The following DLC1 variants were observed in gnomAD, a reference collection of about 807,000 sequenced individuals.
DLC1 encodes DLC1 Rho GTPase activating protein.
A neutral mutation model predicts 140.3 loss-of-function variants in DLC1; 54 were observed. The ratio of observed to expected loss-of-function variants is 0.38; its 90% CI spans 0.31 to 0.48. The LOEUF (loss-of-function observed/expected upper bound fraction) is 0.48, where lower values mean the gene tolerates loss of function less well. Among genes scored for constraint, DLC1 ranks in the 20% least tolerant of loss-of-function variants. DLC1 has a pLI of 0.96. For synonymous variants in DLC1, 986 were observed against 728.1 expected (o/e 1.35, Z -5.70); for missense variants, 2,536 against 1,907.0 (o/e 1.33, Z -6.14).
chr8:13,512,326 C>G (rs116167714), intron 1 of DLC1, among the ~76,000 whole-genome samples: 7 of 152,194 alleles, frequency 4.6e-5, no homozygotes, highest in African/African-American at 1.4e-4. Context: ...AGGGTCTTGT[C>G]TGAGAAGGTA....
intron 4 of DLC1, among the ~76,000 whole-genome samples, chr8:13,331,841 C>G (rs1454948): frequency 3.2e-4 from 48 of 152,224 alleles, no homozygotes; most frequent in African/African-American, 9.4e-4. Context: ...GATATTGGCA[C>G]TGAGTCAGTC....
chr8:13,382,314 T>G (rs1425145192), intron 4 of DLC1, among the ~76,000 whole-genome samples: 1 of 151,486 alleles, frequency 6.6e-6, no homozygotes, highest in Non-Finnish European at 1.5e-5. Flanking sequence ...GAGACCATCC[T>G]GGCTAACACG....
chr8:13,141,819 C>T (rs1823013547), intron 5 of DLC1, among the ~76,000 whole-genome samples: 1 of 152,134 alleles, frequency 6.6e-6, no homozygotes, highest in Admixed American at 6.6e-5. Flanking sequence ...CTTATTGATT[C>T]AGTTGAATTA....
intron 2 of DLC1, among the ~76,000 whole-genome samples, chr8:13,403,964 C>G (rs1417594279): frequency 6.6e-5 from 10 of 151,944 alleles, no homozygotes; most frequent in Admixed American, 1.3e-4. Flanking sequence ...GTGAATCAAA[C>G]ATTTTTGAAA....
rs1337018352 is a variant in DLC1 at position 13,083,707 on chromosome 8, A to G, written c.*2104T>C. On this transcript the variant is annotated 3_prime_UTR_variant, in exon 18 of 18. Coordinates refer to ENST00000276297, the MANE Select transcript of DLC1 (RefSeq NM_182643.3). The stretch of plus-strand genomic sequence containing the variant: ...TTTCCTAACTGGACCTTTGTTGGAG[A>G]GAATCTCCGTGCTTCCTGAACCTTC... The G allele has an allele frequency of 6.6e-6, 1 of 152,588 alleles. No individual in the cohort carries two copies. The highest frequency in any genetic ancestry group is 1.5e-5 in the Non-Finnish European group (1 of 68,048). 9.5% of individuals were successfully genotyped at this position (152,588 alleles called of 1,614,324 possible).
chr8:13,166,324 T>G (rs1339491791), intron 5 of DLC1, among the ~76,000 whole-genome samples: 3 of 152,132 alleles, frequency 2.0e-5, no homozygotes, highest in African/African-American at 7.2e-5. Context: ...CGTGTTTGAT[T>G]TATTTTTCTT....
intron 2 of DLC1, among the ~76,000 whole-genome samples, chr8:13,441,781 T>G (rs1463662545): frequency 3.9e-5 from 6 of 152,134 alleles, no homozygotes; most frequent in Non-Finnish European, 7.4e-5. Context: ...ATGGCCATAC[T>G]GCCCAAGGTA....
At chr8:13,434,362 A>G (rs1172241667) in intron 2 of DLC1, among the ~76,000 whole-genome samples, 4 of 152,234 alleles carry the variant, frequency 2.6e-5, no homozygotes, top group Non-Finnish European at 5.9e-5. Flanking sequence ...AAACATATGC[A>G]GTATGAAGAA....
chr8:13,329,656 C>T (rs1833506142), intron 4 of DLC1, among the ~76,000 whole-genome samples: 1 of 152,178 alleles, frequency 6.6e-6, no homozygotes, highest in African/African-American at 2.4e-5. Flanking sequence ...GAAATATTTT[C>T]ACCACTAATG....
At chr8:13,582,727 G>C (rs755324569) in intron 1 of DLC1, among the ~76,000 whole-genome samples, 2 of 150,894 alleles carry the variant, frequency 1.3e-5, no homozygotes, top group African/African-American at 4.9e-5. Flanking sequence ...TCCCTCTAGA[G>C]AACCCTGACT....
At chr8:13,484,020 C>T (rs1180592330) in intron 2 of DLC1, among the ~76,000 whole-genome samples, 1 of 152,050 alleles carries the variant, frequency 6.6e-6, no homozygotes, top group African/African-American at 2.4e-5. Context: ...GCAGAGGTTG[C>T]AGTGAACCCA....
intron 4 of DLC1, among the ~76,000 whole-genome samples, chr8:13,321,349 T>G (rs998238827): frequency 6.6e-6 from 1 of 151,524 alleles, no homozygotes; most frequent in African/African-American, 2.4e-5. Context: ...ACCATCCTGG[T>G]CAACATGGTG....
chr8:13,451,037 C>CAAAAAAAAAAAAAAAAAAAAA lies in DLC1; in HGVS notation c.1023+47991_1023+48011dup, dbSNP rs1169620786. Among the ~76,000 whole-genome samples the CAAAAAAAAAAAAAAAAAAAAA allele has an allele frequency of 1.5e-3, 28 of 18,366 alleles. 5 individuals carry two copies. Among genetic ancestry groups the CAAAAAAAAAAAAAAAAAAAAA allele is most frequent in the Non-Finnish European group, 1.5e-3 (11 of 7,212 alleles). 12.0% of individuals were successfully genotyped at this position (18,366 alleles called of 152,430 possible). A position where few individuals can be genotyped will look rare whatever the true frequency, so the allele number is the denominator to read the frequency against. On this transcript the variant is annotated intron_variant, in intron 2 of 17. Transcript: ENST00000276297. ...CTGGTGATAGAGTGAGACTCCGTCTCAAAAAAAAAAAAAAAAAAAAAAAAA... is the reference window on the plus strand; with the variant it reads ...CTGGTGATAGAGTGAGACTCCGTCTCAAAAAAAAAAAAAAAAAAAAAAAAAAAAAAAAAAAAAAAAAAAAAA...
intron 4 of DLC1, among the ~76,000 whole-genome samples, chr8:13,339,230 A>T (rs1232610778): frequency 3.9e-5 from 6 of 152,226 alleles, no homozygotes; most frequent in Admixed American, 2.6e-4. Context: ...GTTAAAAACA[A>T]CTATGCAAGT....
At position 13,110,830 on chromosome 8, in the gene DLC1, G is replaced by C. The variant is rs529532973; in HGVS notation, c.1421-7C>G. 6.2e-7 allele frequency: 1 copy of C among 1,613,494 alleles called. No homozygotes were observed. The highest frequency in any genetic ancestry group is 2.2e-5 in the East Asian group (1 of 44,842). On this transcript the variant is annotated splice_region_variant and splice_polypyrimidine_tract_variant and intron_variant, in intron 6 of 17. Coordinates refer to ENST00000276297, the MANE Select transcript of DLC1 (RefSeq NM_182643.3). ...TCGATGGGGAACAGGAAATCTATGA[G>C]AAAAATAAACAGATGTATTTGTTGA...
At chr8:13,086,212 G>A in intron 17 of DLC1, 78 bp downstream of exon 17, 2 of 1,523,844 alleles carry the variant, frequency 1.3e-6, no homozygotes, top group Non-Finnish European at 1.8e-6. Flanking sequence ...TTTGTTTAAG[G>A]CATTCTTTGC....
At chr8:13,488,688 T>A (rs1585192822) in intron 2 of DLC1, among the ~76,000 whole-genome samples, 1 of 152,218 alleles carries the variant, frequency 6.6e-6, no homozygotes, top group Non-Finnish European at 1.5e-5. Context: ...TCTGAATACT[T>A]TCTAACTTTA....
chr8:13,279,698 T>A (rs751889322), intron 5 of DLC1, among the ~76,000 whole-genome samples: 2 of 152,220 alleles, frequency 1.3e-5, no homozygotes, highest in Non-Finnish European at 2.9e-5. Flanking sequence ...TTTATGGGTA[T>A]AGTGTAAAGA....
chr8:13,255,480 A>T (rs1043029468), intron 5 of DLC1, among the ~76,000 whole-genome samples: 4 of 152,212 alleles, frequency 2.6e-5, no homozygotes, highest in African/African-American at 9.6e-5. Context: ...CACTAACTTA[A>T]GTACTCAGCA....
Sources: allele counts gnomAD v4.1 joint callset (sites outside exome capture counted in the v4.1 genomes callset), GRCh38; gene constraint gnomAD v4.1.1; transcripts MANE v1.5; gene names NCBI Gene and HGNC (gene_info 2026-07-23, HGNC 2026-07-21).